BMAL2: variants seen among roughly 807,000 people sequenced by gnomAD.
BMAL2 encodes the protein basic helix-loop-helix ARNT-like protein 2.
chr12:27,382,730 T>TCAACAGAAGCCAGATCAACAGAA, the BMAL2 span, among the ~76,000 whole-genome samples: 2 of 152,204 alleles, frequency 1.3e-5, no homozygotes, highest in African/African-American at 4.8e-5. Context: ...AACAGAGGGC[T>TCAACAGAAGCCAGATCAACAGAA]GCCTGTGGAT....
At chr12:27,360,814 A>AAAAAAAAAAAAAAAC in the BMAL2 span, among the ~76,000 whole-genome samples, 1 of 149,092 alleles carries the variant, frequency 6.7e-6, no homozygotes, top group Non-Finnish European at 1.5e-5. Context: ...AAAAAAAAAA[A>AAAAAAAAAAAAAAAC]AAAAAAAAAA....
chr12:27,354,470 T>G, the BMAL2 span, among the ~76,000 whole-genome samples: 3 of 152,134 alleles, frequency 2.0e-5, no homozygotes, highest in Non-Finnish European at 4.4e-5. Context: ...TATTGGGCAC[T>G]GTGCTCCCTA....
the BMAL2 span, chr12:27,332,906 C>CG: frequency 3.4e-6 from 1 of 291,160 alleles, no homozygotes. Context: ...GGGCGGCGTC[C>CG]CGTGCGCGCC....
chr12:27,388,088 C>T, the BMAL2 span, among the ~76,000 whole-genome samples: 1 of 150,494 alleles, frequency 6.6e-6, no homozygotes, highest in Non-Finnish European at 1.5e-5. Flanking sequence ...CCCACACATG[C>T]ACACACACAT....
chr12:27,367,149 C>T, the BMAL2 span, among the ~76,000 whole-genome samples: 1 of 152,176 alleles, frequency 6.6e-6, no homozygotes, highest in African/African-American at 2.4e-5. Context: ...CATCATTACT[C>T]TTGTGCTTTG....
the BMAL2 span, among the ~76,000 whole-genome samples, chr12:27,347,471 A>G: frequency 2.0e-5 from 3 of 152,150 alleles, no homozygotes; most frequent in African/African-American, 4.8e-5. Context: ...TGCCACCATC[A>G]TATCTCCAGC....
chr12:27,380,335 C>T, the BMAL2 span: 5 of 1,613,952 alleles, frequency 3.1e-6, no homozygotes, highest in Admixed American at 3.3e-5. Context: ...TCAGTGCAAC[C>T]CCATGGCGCG....
the BMAL2 span, among the ~76,000 whole-genome samples, chr12:27,353,675 T>TA: frequency 6.6e-6 from 1 of 151,728 alleles, no homozygotes; most frequent in East Asian, 1.9e-4. Flanking sequence ...ATGATGCATC[T>TA]AAAAAAGGTC....
At chr12:27,401,122 G>T in the BMAL2 span, 1 of 707,374 alleles carries the variant, frequency 1.4e-6, no homozygotes, top group Non-Finnish European at 2.4e-6. Context: ...GCCGAGGGGA[G>T]CCCAGTGATA....
chr12:27,408,564 C>T, the BMAL2 span, among the ~76,000 whole-genome samples: 1 of 152,170 alleles, frequency 6.6e-6, no homozygotes, highest in Non-Finnish European at 1.5e-5. Flanking sequence ...TAAAAACTCT[C>T]AATAAATTGG....
At chr12:27,372,492 C>T in the BMAL2 span, among the ~76,000 whole-genome samples, 2 of 152,092 alleles carry the variant, frequency 1.3e-5, no homozygotes, top group Middle Eastern at 3.4e-3. Context: ...CGTTTTAGTC[C>T]TTGCTTTCCA....
At chr12:27,356,294 TC>T in the BMAL2 span, among the ~76,000 whole-genome samples, 4,483 of 152,222 alleles carry the variant, frequency 0.029, 90 homozygotes, top group South Asian at 0.089. Context: ...TTGTAAATGT[TC>T]CCCCTGCCTT....
chr12:27,360,062 A>AT, the BMAL2 span, among the ~76,000 whole-genome samples: 12 of 150,410 alleles, frequency 8.0e-5, no homozygotes, highest in Non-Finnish European at 1.6e-4. Context: ...AAAAAAAAAA[A>AT]AAAAAAAAAA....
chr12:27,400,908 T>G, the BMAL2 span: 1 of 869,684 alleles, frequency 1.1e-6, no homozygotes, highest in Non-Finnish European at 1.7e-6. Flanking sequence ...TTAAATGAAA[T>G]AAGAATATGG....
chr12:27,382,623 G>T, the BMAL2 span, among the ~76,000 whole-genome samples: 2 of 152,214 alleles, frequency 1.3e-5, no homozygotes, highest in Non-Finnish European at 2.9e-5. Context: ...GGTCAGTGCT[G>T]CTCACAAGCA....
the BMAL2 span, among the ~76,000 whole-genome samples, chr12:27,386,389 A>G: frequency 2.6e-5 from 4 of 152,300 alleles, no homozygotes; most frequent in African/African-American, 9.6e-5. Flanking sequence ...TATGTGCCAT[A>G]TGTACCCGCT....
At chr12:27,360,960 TA>T in the BMAL2 span, among the ~76,000 whole-genome samples, 1 of 152,284 alleles carries the variant, frequency 6.6e-6, no homozygotes, top group South Asian at 2.1e-4. Flanking sequence ...AAATTATTTT[TA>T]ACCAAAAGTT....
chr12:27,400,614 A>T, the BMAL2 span: 31 of 1,613,882 alleles, frequency 1.9e-5, no homozygotes, highest in Non-Finnish European at 1.9e-5. Context: ...GGAAGAAGAA[A>T]GGAACAGTAA....
chr12:27,388,086 T>TGC, the BMAL2 span, among the ~76,000 whole-genome samples: 7 of 150,400 alleles, frequency 4.7e-5, no homozygotes, highest in Admixed American at 3.3e-4. Flanking sequence ...CACCCACACA[T>TGC]GCACACACAC....
Sources: allele counts gnomAD v4.1 joint callset (sites outside exome capture counted in the v4.1 genomes callset), GRCh38; gene constraint gnomAD v4.1.1; transcripts MANE v1.5; gene names NCBI Gene and HGNC (gene_info 2026-07-23, HGNC 2026-07-21).